Variants in SCML4 observed in about 807,000 individuals in gnomAD.
SCML4 encodes the protein Scm polycomb group protein like 4, also known as sex comb on midleg-like protein 4.
Under a neutral mutation model 41.1 loss-of-function variants are expected in SCML4, and 34 were observed. That is an observed-to-expected ratio of 0.83 (90% CI 0.63 to 1.10). The LOEUF (loss-of-function observed/expected upper bound fraction) is 1.10, where lower values mean the gene tolerates loss of function less well. Among genes scored for constraint, SCML4 ranks in the 50% least tolerant of loss-of-function variants. The pLI, the probability that SCML4 is intolerant of heterozygous loss-of-function variation, is 0.00. For missense variants in SCML4, 522 were observed against 534.1 expected (o/e 0.98, Z 0.22); for synonymous variants, 214 against 220.9 (o/e 0.97, Z 0.28).
At chr6:107,806,185 T>TCC (rs1562277630) in intron 1 of SCML4, among the ~76,000 whole-genome samples, 42 of 5,940 alleles carry the variant, frequency 7.1e-3, no homozygotes, top group African/African-American at 9.8e-3. Flanking sequence ...AAACAGAGAT[T>TCC]TCCCCCCCCC....
chr6:107,746,581 A>T, intron 4 of SCML4, 108 bp downstream of exon 4: 1 of 940,938 alleles, frequency 1.1e-6, no homozygotes, highest in Middle Eastern at 2.4e-4. Context: ...AGCCCAGCAG[A>T]TGAAGGACAG....
At chr6:107,762,876 C>CTTTTTTTTTTTTTTTT (rs57370632) in intron 2 of SCML4, among the ~76,000 whole-genome samples, 2 of 89,658 alleles carry the variant, frequency 2.2e-5, no homozygotes, top group African/African-American at 4.6e-5. Context: ...TAAATGCACT[C>CTTTTTTTTTTTTTTTT]TTTTTTTTTT....
chr6:107,737,293 AC>A (rs1777168901), intron 5 of SCML4, among the ~76,000 whole-genome samples: 1 of 152,194 alleles, frequency 6.6e-6, no homozygotes, highest in African/African-American at 2.4e-5. Context: ...TTTACAGGGC[AC>A]CAGAGACCAT....
rs769120247 is a variant in SCML4, at chr6:107,746,741, C to T, written c.435G>A (p.Gln145=). Residue 145 remains glutamine, a synonymous_variant, in exon 4 of 8, where the codon CAG becomes CAA. Coordinates refer to ENST00000369020, the MANE Select transcript of SCML4 (RefSeq NM_198081.5). ...GCTTGACCAGGGAGAAGACCAGCTT[C>T]TGCTGGTGGGCGCAGTCGATGCAGG... ...VQACIDCAHQ[Q]KLVFSLVKQG... is the part of the protein sequence containing the mutation. 5.6e-6 allele frequency: 9 copies of T among 1,614,190 alleles called. No homozygotes were observed. The South Asian group carries it at 8.8e-5, about 16-fold the overall frequency.
At chr6:107,756,759 T>C (rs1284284738) in intron 2 of SCML4, among the ~76,000 whole-genome samples, 1 of 152,228 alleles carries the variant, frequency 6.6e-6, no homozygotes. Flanking sequence ...AACTGAAAAC[T>C]ATTCTAAAAT....
chr6:107,838,196 C>T, the SCML4 span, among the ~76,000 whole-genome samples: 1 of 152,146 alleles, frequency 6.6e-6, no homozygotes, highest in Non-Finnish European at 1.5e-5. Flanking sequence ...GTGTGAGCCA[C>T]CACACCCAGC....
intron 1 of SCML4, among the ~76,000 whole-genome samples, chr6:107,780,970 T>TA (rs1377636647): frequency 2.1e-4 from 32 of 152,110 alleles, no homozygotes; most frequent in African/African-American, 7.5e-4. Context: ...GGTTTTTTTT[T>TA]TATATTCAAA....
intron 2 of SCML4, among the ~76,000 whole-genome samples, chr6:107,762,876 CTTTTTTTTTTT>C (rs57370632): frequency 2.7e-4 from 24 of 89,704 alleles, no homozygotes; most frequent in African/African-American, 1.1e-3. Flanking sequence ...TAAATGCACT[CTTTTTTTTTTT>C]TTTTTTTTTT....
At chr6:107,726,648 G>A (rs188358884) in intron 5 of SCML4, among the ~76,000 whole-genome samples, 7 of 151,652 alleles carry the variant, frequency 4.6e-5, no homozygotes, top group Admixed American at 2.6e-4. Flanking sequence ...CAAATGGCCA[G>A]TAGGCACATC....
chr6:107,707,763 T>C lies in SCML4; in HGVS notation c.1119+103A>G, dbSNP rs6921672. ...CCTAGGGCTTAGTTTAGAGCACCCC[T>C]CCACCACCTCCCCTGGCAGCATCCC... On this transcript the variant is annotated intron_variant, in intron 7 of 7. Transcript: ENST00000369020. 159,115 of 1,454,248 alleles carry C rather than the reference T, an allele frequency of 0.11. 9,527 individuals are homozygous for C. Among genetic ancestry groups the C allele is most frequent in the East Asian group, 0.18 (7,480 of 40,434 alleles). 90.1% of individuals were successfully genotyped at this position (1,454,248 alleles called of 1,614,324 possible).
At chr6:107,775,461 C>T (rs1348968800) in intron 1 of SCML4, among the ~76,000 whole-genome samples, 2 of 152,204 alleles carry the variant, frequency 1.3e-5, no homozygotes, top group African/African-American at 4.8e-5. Flanking sequence ...AGCTATCTGT[C>T]TTCTGCCAGC....
chr6:107,834,121 C>G, the SCML4 span, among the ~76,000 whole-genome samples: 1 of 152,104 alleles, frequency 6.6e-6, no homozygotes, highest in Non-Finnish European at 1.5e-5. Flanking sequence ...AGAAACTGGG[C>G]CTTTTTTCAA....
chr6:107,831,411 C>CCAAAAAAAAAAAAAAAAAAAAAAA, the SCML4 span, among the ~76,000 whole-genome samples: 2 of 107,504 alleles, frequency 1.9e-5, no homozygotes. Flanking sequence ...TTTTCATTCT[C>CCAAAAAAAAAAAAAAAAAAAAAAA]AAAAAAAAAA....
At chr6:107,816,990 A>T (rs868439574) in intron 1 of SCML4, among the ~76,000 whole-genome samples, 1 of 152,204 alleles carries the variant, frequency 6.6e-6, no homozygotes, top group Non-Finnish European at 1.5e-5. Context: ...AACACAGGAA[A>T]TCTCTGCCAA....
chr6:107,800,036 TG>T (rs1393201402), intron 1 of SCML4, among the ~76,000 whole-genome samples: 1 of 151,626 alleles, frequency 6.6e-6, no homozygotes, highest in South Asian at 2.1e-4. Context: ...TGTTTTGAGA[TG>T]GGGGGGTCTG....
chr6:107,711,731 G>C (rs2114357582), intron 6 of SCML4, among the ~76,000 whole-genome samples: 1 of 152,222 alleles, frequency 6.6e-6, no homozygotes, highest in East Asian at 1.9e-4. Flanking sequence ...AAAAGACAAG[G>C]CTCTGAACAA....
At chr6:107,728,385 C>A (rs907653593) in intron 5 of SCML4, among the ~76,000 whole-genome samples, 1 of 152,014 alleles carries the variant, frequency 6.6e-6, no homozygotes, top group South Asian at 2.1e-4. Context: ...CGAAGGTGGG[C>A]GGATCACCTG....
chr6:107,742,236 A>G (rs1777654091), intron 5 of SCML4, among the ~76,000 whole-genome samples: 1 of 152,202 alleles, frequency 6.6e-6, no homozygotes, highest in African/African-American at 2.4e-5. Context: ...AAATATAGTC[A>G]AAAGAGAAAA....
At chr6:107,771,210 A>G (rs1780490524) in intron 2 of SCML4, among the ~76,000 whole-genome samples, 1 of 152,208 alleles carries the variant, frequency 6.6e-6, no homozygotes, top group Non-Finnish European at 1.5e-5. Context: ...GATTGAATTC[A>G]TTACCAACTC....
Sources: allele counts gnomAD v4.1 joint callset (sites outside exome capture counted in the v4.1 genomes callset), GRCh38; gene constraint gnomAD v4.1.1; transcripts MANE v1.5; gene names NCBI Gene and HGNC (gene_info 2026-07-23, HGNC 2026-07-21).